The following PPARA variants were observed in gnomAD, a reference collection of about 807,000 sequenced individuals.
The protein encoded by PPARA is peroxisome proliferator-activated receptor alpha.
PPARA carries 22 observed loss-of-function variants against 42.2 expected under a neutral mutation model. The ratio of observed to expected loss-of-function variants is 0.52; its 90% CI spans 0.37 to 0.74. The LOEUF is 0.74. Among genes scored for constraint, PPARA ranks in the 30% least tolerant of loss-of-function variants. The probability of loss-of-function intolerance (pLI) is 0.00; values close to 1 mark genes in which losing one functional copy is unlikely to be tolerated. For synonymous variants in PPARA, 242 were observed against 239.3 expected (o/e 1.01, Z -0.10); for missense variants, 465 against 608.2 (o/e 0.76, Z 2.48).
chr22:46,226,628 G>A (rs1190281710), intron 7 of PPARA, among the ~76,000 whole-genome samples: 1 of 152,200 alleles, frequency 6.6e-6, no homozygotes, highest in African/African-American at 2.4e-5. Flanking sequence ...TAGCTAGACT[G>A]GCATGCAAGT....
Position 46,238,349 on chromosome 22 carries a change from C to T in PPARA, c.*2969C>T, listed in dbSNP as rs561149458. The T allele has an allele frequency of 6.6e-6, 1 of 152,166 alleles. No individual in the cohort carries two copies. Among genetic ancestry groups the T allele is most frequent in the Non-Finnish European group, 1.5e-5 (1 of 68,038 alleles). 9.4% of individuals were successfully genotyped at this position (152,166 alleles called of 1,614,324 possible). A position where few individuals can be genotyped will look rare whatever the true frequency, so the allele number is the denominator to read the frequency against. On this transcript the variant is annotated 3_prime_UTR_variant, in exon 9 of 9. Coordinates refer to ENST00000407236, the MANE Select transcript of PPARA (RefSeq NM_005036.6). The surrounding 1 kb of genome is among the most constrained non-coding windows in gnomAD (Gnocchi z 8.3). ...ATACTCAAATATAGGCTGATTATGCCCCAGTTCAAATGGGAACTATTAACA... is the reference window on the plus strand; with the variant it reads ...ATACTCAAATATAGGCTGATTATGCTCCAGTTCAAATGGGAACTATTAACA...
chr22:46,181,532 G>A (rs1300174660), intron 3 of PPARA, among the ~76,000 whole-genome samples: 1 of 152,128 alleles, frequency 6.6e-6, no homozygotes, highest in Admixed American at 6.6e-5. Flanking sequence ...ACTCCTCTGG[G>A]GTGCATGTTA....
intron 4 of PPARA, among the ~76,000 whole-genome samples, chr22:46,207,042 G>A (rs1933380347): frequency 1.3e-5 from 2 of 152,008 alleles, no homozygotes; most frequent in African/African-American, 4.8e-5. Flanking sequence ...GACCAATAAG[G>A]TGAAACCCTG....
At chr22:46,177,112 G>A (rs1929240849) in intron 3 of PPARA, among the ~76,000 whole-genome samples, 1 of 152,182 alleles carries the variant, frequency 6.6e-6, no homozygotes, top group Non-Finnish European at 1.5e-5. Flanking sequence ...TCAGGAGGCT[G>A]AGGCAGGAGA....
At chr22:46,220,959 A>G (rs1017149515) in intron 7 of PPARA, among the ~76,000 whole-genome samples, 1 of 151,948 alleles carries the variant, frequency 6.6e-6, no homozygotes, top group Non-Finnish European at 1.5e-5. Flanking sequence ...AAAATAGAAT[A>G]ATAAAATAAA....
rs1434243328 is a variant in PPARA at position 46,173,170 on chromosome 22, G to GT, written c.-126-3582dup. Among the ~76,000 whole-genome samples, 1 of 152,232 alleles carries GT rather than the reference G, an allele frequency of 6.6e-6. No individual in the cohort carries two copies. The highest frequency in any genetic ancestry group is 6.5e-5 in the Admixed American group (1 of 15,280). On this transcript the variant is annotated intron_variant, in intron 2 of 8. Coordinates refer to ENST00000407236, the MANE Select transcript of PPARA (RefSeq NM_005036.6). The surrounding 1 kb of genome is among the most constrained non-coding windows in gnomAD (Gnocchi z 4.3). ...TTTGAATTATGTTGAGTTGCTTAAA[G>GT]TCATGCTATCGGGTAGATGTTGTGG...
chr22:46,219,753 C>A lies in PPARA; in HGVS notation c.509-59C>A. The A allele has an allele frequency of 6.4e-7, 1 of 1,561,184 alleles. No individual in the cohort carries two copies. The highest frequency in any genetic ancestry group is 1.1e-5 in the South Asian group (1 of 89,442). On this transcript the variant is annotated intron_variant, in intron 6 of 8. Transcript: ENST00000407236. The surrounding 1 kb of genome is among the most constrained non-coding windows in gnomAD (Gnocchi z 4.8). ...GTCCTGGGGGAGCCCCTCGTCCAGC[C>A]CTGTCCGCGCAGTCATGACCTCACT...
chr22:46,174,371 A>G (rs1470847783), intron 2 of PPARA, among the ~76,000 whole-genome samples: 1 of 152,036 alleles, frequency 6.6e-6, no homozygotes, highest in African/African-American at 2.4e-5. Context: ...CAACTTTTCT[A>G]TAAGTGAAAG....
At chr22:46,177,009 G>C (rs565522929) in intron 3 of PPARA, among the ~76,000 whole-genome samples, 173 bp downstream of exon 3, 9 of 152,202 alleles carry the variant, frequency 5.9e-5, no homozygotes, top group Admixed American at 5.2e-4. Context: ...AGGAGATTGA[G>C]ACCATCCTGG....
rs1927173719 is a variant in PPARA at position 46,167,009 on chromosome 22, A to G, written c.-126-9744A>G. On this transcript the variant is annotated intron_variant, in intron 2 of 8. Transcript: ENST00000407236. The surrounding 1 kb of genome is among the most constrained non-coding windows in gnomAD (Gnocchi z 4.1). ...ATTATAAAGCTACAGTAATCAAGAC[A>G]GTATGGTATTGATATGAAAATAGAC... is the stretch of plus-strand genomic sequence containing the variant. 2.6e-5 allele frequency among the ~76,000 whole-genome samples: 4 copies of G among 152,240 alleles called. No homozygotes were observed. Among genetic ancestry groups the G allele is most frequent in the Admixed American group, 2.6e-4 (4 of 15,280 alleles).
chr22:46,218,835 C>CAAA (rs749022835), intron 6 of PPARA, among the ~76,000 whole-genome samples: 4 of 69,304 alleles, frequency 5.8e-5, no homozygotes, highest in African/African-American at 2.3e-4. Context: ...TTCCGTCTCA[C>CAAA]AAAAAAAAAA....
At position 46,240,753 on chromosome 22, in the gene PPARA, A is replaced by G. The variant is rs1936350496; in HGVS notation, c.*5373A>G. On this transcript the variant is annotated 3_prime_UTR_variant, in exon 9 of 9. Transcript: ENST00000407236. This position sits in a 1 kb window ranked among gnomAD's most constrained non-coding sequence, Gnocchi z 6.0. ...GGAAGTATCTGCTCTTCTCATGTTA[A>G]AAGTGGCCCAGCTTTTCTTAACTCA... 1 of 152,308 alleles carries G rather than the reference A, an allele frequency of 6.6e-6. No homozygotes were observed. The highest frequency in any genetic ancestry group is 1.5e-5 in the Non-Finnish European group (1 of 68,200). 9.4% of individuals were successfully genotyped at this position (152,308 alleles called of 1,614,324 possible). A position where few individuals can be genotyped will look rare whatever the true frequency, so the allele number is the denominator to read the frequency against.
At chr22:46,213,403 C>CTTTTTT (rs61615727) in intron 4 of PPARA, among the ~76,000 whole-genome samples, 1 of 134,862 alleles carries the variant, frequency 7.4e-6, no homozygotes, top group African/African-American at 2.8e-5. Flanking sequence ...CATTTTCTTT[C>CTTTTTT]TTTTTTTTTT....
At chr22:46,185,956 TATATATATACAC>T (rs1569207893) in intron 3 of PPARA, among the ~76,000 whole-genome samples, 5 of 56,408 alleles carry the variant, frequency 8.9e-5, no homozygotes, top group African/African-American at 2.7e-4. Context: ...TATATATATA[TATATATATACAC>T]ACACACTAAC....
intron 7 of PPARA, among the ~76,000 whole-genome samples, chr22:46,228,856 G>A (rs1935661217): frequency 6.6e-6 from 1 of 152,266 alleles, no homozygotes; most frequent in Non-Finnish European, 1.5e-5. Flanking sequence ...TGTAATCCCA[G>A]CACTTTGGGA....
chr22:46,191,335 TC>T lies in PPARA; in HGVS notation c.-42-7005del, dbSNP rs1931515450. ...ACAGTGGAGGGGTTTCCCTTCGGTC[TC>T]CTTTTATTCCAAGCAAGTGGCAAAA... On this transcript the variant is annotated intron_variant, in intron 3 of 8. Coordinates refer to ENST00000407236, the MANE Select transcript of PPARA (RefSeq NM_005036.6). The surrounding 1 kb of genome is among the most constrained non-coding windows in gnomAD (Gnocchi z 4.6). Among the ~76,000 whole-genome samples, 1 of 152,156 alleles carries T rather than the reference TC, an allele frequency of 6.6e-6. No homozygotes were observed. The highest frequency in any genetic ancestry group is 1.5e-5 in the Non-Finnish European group (1 of 68,018).
rs1475235584 is a variant in PPARA at position 46,184,955 on chromosome 22, A to C, written c.-43+8119A>C. On this transcript the variant is annotated intron_variant, in intron 3 of 8. Transcript: ENST00000407236. This position sits in a 1 kb window ranked among gnomAD's most constrained non-coding sequence, Gnocchi z 4.4. ...TCTCTTTGTCTCCAGCATGGTCTGG[A>C]ATTTCCCAGTGAGTGACCATCTGTG... 6.6e-6 allele frequency among the ~76,000 whole-genome samples: 1 copy of C among 152,174 alleles called. No individual in the cohort carries two copies. Among genetic ancestry groups the C allele is most frequent in the Non-Finnish European group, 1.5e-5 (1 of 68,044 alleles).
In PPARA at chr22:46,227,918, AGT is replaced by A. The variant is rs1273113890; in HGVS notation, c.712-3869_712-3868del. On this transcript the variant is annotated intron_variant, in intron 7 of 8. Coordinates refer to ENST00000407236, the MANE Select transcript of PPARA (RefSeq NM_005036.6). This position sits in a 1 kb window ranked among gnomAD's most constrained non-coding sequence, Gnocchi z 4.3. ...ATCCATAAAGTTTAGCGAATTTGCA[AGT>A]GTGTTTTTCAACAGCATTTCTCTTT... 6.6e-6 allele frequency among the ~76,000 whole-genome samples: 1 copy of A among 152,182 alleles called. No homozygotes were observed. Among genetic ancestry groups the A allele is most frequent in the Non-Finnish European group, 1.5e-5 (1 of 68,034 alleles).
chr22:46,227,898 T>C lies in PPARA; in HGVS notation c.712-3894T>C, dbSNP rs554026941. Among the ~76,000 whole-genome samples the C allele has an allele frequency of 2.6e-5, 4 of 152,364 alleles. No homozygotes were observed. In the East Asian group the frequency reaches 7.7e-4, roughly 29 times the overall value. On this transcript the variant is annotated intron_variant, in intron 7 of 8. Transcript: ENST00000407236. This position sits in a 1 kb window ranked among gnomAD's most constrained non-coding sequence, Gnocchi z 4.3. ...TGATCTCACCAAGAATGTTTATCCA[T>C]AAAGTTTAGCGAATTTGCAAGTGTG...
Sources: allele counts gnomAD v4.1 joint callset (sites outside exome capture counted in the v4.1 genomes callset), GRCh38; gene constraint gnomAD v4.1.1; non-coding constraint Gnocchi (gnomAD v3.1); transcripts MANE v1.5; gene names NCBI Gene and HGNC (gene_info 2026-07-23, HGNC 2026-07-21).